Variants in YME1L1 observed in about 807,000 individuals in gnomAD.
YME1L1 encodes ATP-dependent zinc metalloprotease YME1L1.
YME1L1 carries 39 observed loss-of-function variants against 90.4 expected under a neutral mutation model. The ratio of observed to expected loss-of-function variants is 0.43; its 90% CI spans 0.33 to 0.56. YME1L1 has a LOEUF of 0.56. Ranked by LOEUF, YME1L1 falls within the 20% of genes least tolerant of loss-of-function variation. YME1L1 has a pLI of 0.03. For missense variants in YME1L1, 617 were observed against 868.4 expected (o/e 0.71, Z 3.64); for synonymous variants, 284 against 287.3 (o/e 0.99, Z 0.12).
chr10:27,137,946 T>C (rs367892638), intron 4 of YME1L1, among the ~76,000 whole-genome samples: 1 of 152,180 alleles, frequency 6.6e-6, no homozygotes, highest in African/African-American at 2.4e-5. Context: ...GCATTTTAAC[T>C]TGATTAGAGT....
At chr10:27,137,193 T>G (rs1266495050) in intron 4 of YME1L1, among the ~76,000 whole-genome samples, 1 of 152,238 alleles carries the variant, frequency 6.6e-6, no homozygotes, top group Non-Finnish European at 1.5e-5. Context: ...TATAACCTGT[T>G]AACAATTCTG....
At chr10:27,135,017 AAC>A (rs763423407) in intron 5 of YME1L1, 36 bp from the exon 6 acceptor site, 3 of 1,575,628 alleles carry the variant, frequency 1.9e-6, no homozygotes, top group South Asian at 1.1e-5. Context: ...ACTGGTTAAC[AAC>A]ACAGTGATAC....
intron 2 of YME1L1, chr10:27,147,365 G>C (rs2057154875): frequency 1.3e-6 from 2 of 1,488,556 alleles, no homozygotes; most frequent in Middle Eastern, 3.6e-4. Context: ...AACAAACAAA[G>C]AAACTAGACT....
At chr10:27,139,115 T>C (rs981613093) in intron 4 of YME1L1, among the ~76,000 whole-genome samples, 4 of 152,156 alleles carry the variant, frequency 2.6e-5, no homozygotes, top group African/African-American at 9.7e-5. Context: ...TATTTAGGAT[T>C]TCTGTTAAGT....
chr10:27,124,243 G>A (rs2135856350), intron 9 of YME1L1, among the ~76,000 whole-genome samples: 1 of 152,262 alleles, frequency 6.6e-6, no homozygotes, highest in Admixed American at 6.5e-5. Context: ...TCAAGTAGTT[G>A]ACGTTTATAG....
chr10:27,136,837 T>C (rs1341611018), intron 4 of YME1L1, among the ~76,000 whole-genome samples: 4 of 152,078 alleles, frequency 2.6e-5, no homozygotes, highest in Non-Finnish European at 5.9e-5. Context: ...GCAACTATCC[T>C]GCCTCAGCCT....
chr10:27,134,465 C>T (rs1382296247), intron 6 of YME1L1, among the ~76,000 whole-genome samples: 1 of 152,196 alleles, frequency 6.6e-6, no homozygotes, highest in African/African-American at 2.4e-5. Flanking sequence ...ATCCTAGCTA[C>T]TCAGGAGGCT....
intron 17 of YME1L1, among the ~76,000 whole-genome samples, chr10:27,115,245 T>C (rs1294212052): frequency 4.0e-5 from 6 of 151,634 alleles, no homozygotes; most frequent in Admixed American, 2.0e-4. Context: ...AGAGCAAGAC[T>C]CCGTCTCAAA....
rs764332019 is a variant in YME1L1, at chr10:27,128,596, AAAG to A, written c.859-1813_859-1811del. Among the ~76,000 whole-genome samples, 9 of 151,824 alleles carry A rather than the reference AAAG, an allele frequency of 5.9e-5. No individual in the cohort carries two copies. In the East Asian group the frequency reaches 9.7e-4, roughly 16 times the overall value. ...ACACCGCTCCCCCACCCCCCAAAAA[AAAG>A]AAGAAGAAAAAGAAAGATAAATCAG... On this transcript the variant is annotated intron_variant, in intron 8 of 18. Coordinates refer to ENST00000376016, the MANE Select transcript of YME1L1 (RefSeq NM_014263.4).
At chr10:27,121,232 G>A (rs1484025084) in intron 12 of YME1L1, among the ~76,000 whole-genome samples, 154 bp downstream of exon 12, 4 of 152,088 alleles carry the variant, frequency 2.6e-5, no homozygotes, top group South Asian at 2.1e-4. Context: ...TCTGGTAACC[G>A]CTAACCCAAT....
At chr10:27,113,486 C>T (rs11015541) in intron 18 of YME1L1, among the ~76,000 whole-genome samples, 24,882 of 151,012 alleles carry the variant, frequency 0.16, 2,316 homozygotes, top group East Asian at 0.4. Flanking sequence ...GCCTGGCCAA[C>T]ATAGTGAAAC....
intron 18 of YME1L1, among the ~76,000 whole-genome samples, chr10:27,112,827 T>C (rs2056771713): frequency 6.6e-6 from 1 of 151,964 alleles, no homozygotes; most frequent in African/African-American, 2.4e-5. Context: ...TCAGCCCAAG[T>C]AGCTGGGACT....
chr10:27,147,420 C>A, intron 2 of YME1L1: 1 of 1,611,796 alleles, frequency 6.2e-7, no homozygotes, highest in African/African-American at 1.3e-5. Context: ...ATGGCAAGAA[C>A]CTGAACTAAG....
chr10:27,143,185 C>T (rs895891192), intron 3 of YME1L1, among the ~76,000 whole-genome samples: 7 of 149,666 alleles, frequency 4.7e-5, no homozygotes, highest in East Asian at 2.0e-4. Flanking sequence ...GCCTGAGCAA[C>T]ATGGAGAAAC....
chr10:27,114,332 T>C (rs1012714307), intron 18 of YME1L1, among the ~76,000 whole-genome samples, 189 bp downstream of exon 18: 5 of 152,328 alleles, frequency 3.3e-5, no homozygotes, highest in East Asian at 3.9e-4. Flanking sequence ...ATTTAAATCA[T>C]TGCTGAAATG....
chr10:27,114,433 G>C, intron 18 of YME1L1, 88 bp downstream of exon 18: 3 of 939,384 alleles, frequency 3.2e-6, no homozygotes, highest in Non-Finnish European at 4.8e-6. Flanking sequence ...CTAGTGAACA[G>C]AGGGCCTTCA....
Position 27,134,048 on chromosome 10 carries a change from A to G in YME1L1, c.766T>C (p.Phe256Leu). The change falls in exon 7 of 19, where the codon TTT becomes CTT. Residue 256 changes from phenylalanine (F) to leucine (L), a missense_variant. Phe to Leu is a conservative substitution (Grantham distance 22). Transcript: ENST00000376016. ...TAAAAAAAGCTTTTACCAGATAAAA[A>G]TGGGTTTTTTAGAAGTCCATAAATG... ...FGIYGLLKNP[F>L]LSVRFRTTTG... 2.5e-6 allele frequency: 4 copies of G among 1,611,712 alleles called. No individual in the cohort carries two copies. Among genetic ancestry groups the G allele is most frequent in the Non-Finnish European group, 2.5e-6 (3 of 1,179,040 alleles).
At chr10:27,146,572 A>C (rs1384909413) in intron 2 of YME1L1, 1 of 152,188 alleles carries the variant, frequency 6.6e-6, no homozygotes, top group Non-Finnish European at 1.5e-5. Flanking sequence ...TCTTGATGAA[A>C]AATTTAAAAA....
At chr10:27,126,596 C>T (rs1320568385) in intron 9 of YME1L1, 100 bp downstream of exon 9, 5 of 606,762 alleles carry the variant, frequency 8.2e-6, no homozygotes, top group Non-Finnish European at 1.4e-5. Context: ...AAGACTTAAA[C>T]TTTAATCAGT....
Sources: gnomAD v4.1 joint callset for allele counts (sites outside exome capture counted in the v4.1 genomes callset) on GRCh38, gnomAD v4.1.1 for gene constraint, MANE v1.5 for transcripts, NCBI Gene and HGNC (gene_info 2026-07-23, HGNC 2026-07-21) for gene names.